The following CGN variants were observed in gnomAD, a reference collection of about 807,000 sequenced individuals.
CGN encodes cingulin.
CGN carries 121 observed loss-of-function variants against 157.1 expected under a neutral mutation model. That is an observed-to-expected ratio of 0.77 (90% CI 0.66 to 0.90). The LOEUF (loss-of-function observed/expected upper bound fraction) is 0.90, where lower values mean the gene tolerates loss of function less well. Ranked by LOEUF, CGN falls within the 40% of genes least tolerant of loss-of-function variation. The probability of loss-of-function intolerance (pLI) is 0.00; values close to 1 mark genes in which losing one functional copy is unlikely to be tolerated. For missense variants in CGN, 1,424 were observed against 1,520.9 expected (o/e 0.94, Z 1.06); for synonymous variants, 535 against 607.5 (o/e 0.88, Z 1.76).
At position 151,536,862 on chromosome 1, in the gene CGN, G is replaced by A; in HGVS notation, c.3439G>A (p.Ala1147Thr). 6.2e-7 allele frequency: 1 copy of A among 1,614,148 alleles called. No individual in the cohort carries two copies. Among genetic ancestry groups the A allele is most frequent in the Non-Finnish European group, 8.5e-7 (1 of 1,180,034 alleles). Residue 1147 changes from alanine (A) to threonine (T), a missense_variant, in exon 20 of 21, where the codon GCC becomes ACC. Transcript: ENST00000271636. ...GCATGAGGTCAATGAACAGCTCCAGGCCCGGATCAAGTCTCTGGAGAAGGA... is the reference window on the plus strand; with the variant it reads ...GCATGAGGTCAATGAACAGCTCCAGACCCGGATCAAGTCTCTGGAGAAGGA... ...EQHEVNEQLQ[A>T]RIKSLEKDSW...
chr1:151,529,656 G>A, intron 11 of CGN, 97 bp downstream of exon 11: 2 of 1,094,706 alleles, frequency 1.8e-6, no homozygotes, highest in Non-Finnish European at 2.6e-6. Context: ...TCATGGGTAT[G>A]TACTGACCAG....
intron 1 of CGN, among the ~76,000 whole-genome samples, chr1:151,513,006 T>C (rs541919040): frequency 6.6e-6 from 1 of 152,134 alleles, no homozygotes; most frequent in Middle Eastern, 3.2e-3. Context: ...GAATGCAACT[T>C]TGGGAACCTC....
intron 8 of CGN, 45 bp from the exon 9 acceptor site, chr1:151,525,597 C>T (rs767637858): frequency 1.3e-5 from 19 of 1,486,538 alleles, no homozygotes; most frequent in Non-Finnish European, 1.5e-5. Flanking sequence ...TTGAAGTGAC[C>T]TCTTCCCTCT....
chr1:151,532,189 A>G (rs1664851144), intron 13 of CGN, among the ~76,000 whole-genome samples: 1 of 152,216 alleles, frequency 6.6e-6, no homozygotes, highest in Admixed American at 6.5e-5. Flanking sequence ...AGAGATAAGT[A>G]ACTTGCACAT....
rs1215552656 is a variant in CGN, at chr1:151,519,159, A to C, written c.640A>C (p.Ser214Arg). The change falls in exon 2 of 21, where the codon AGC becomes CGC. Residue 214 changes from serine to arginine, a missense_variant. Around this residue, in one of 3 missense-constraint regions of CGN, gnomAD observed 1,187 missense variants for 1,217.6 expected, o/e 0.97. Transcript: ENST00000271636. Reference sequence around the variant, plus strand: ...CCCTGAACAGCGCAAACGGAGCAAGAGCCTGGACAGCCGCCTCCCACGGGA... The same window carrying C: ...CCCTGAACAGCGCAAACGGAGCAAGCGCCTGGACAGCCGCCTCCCACGGGA... ...LPPEQRKRSK[S>R]LDSRLPRDTF... 1 of 1,614,022 alleles carries C rather than the reference A, an allele frequency of 6.2e-7. No homozygotes were observed. Among genetic ancestry groups the C allele is most frequent in the Admixed American group, 1.7e-5 (1 of 60,032 alleles).
chr1:151,535,054 C>T lies in CGN; in HGVS notation c.2917C>T (p.Arg973Trp), dbSNP rs368607138. ...QLKGLEEKVS[R>W]LETELDEEKN... ...TCTTCTGTCCTAGGAAAAAGTCTCA[C>T]GGCTGGAAACAGAGTTAGATGAGGA... is the stretch of plus-strand genomic sequence containing the variant. Residue 973 changes from arginine (R) to tryptophan (W), a missense_variant, in exon 16 of 21, where the codon CGG becomes TGG. By Grantham distance (101) the Arg-to-Trp change is moderately radical (BLOSUM62 -3). Coordinates refer to ENST00000271636, the MANE Select transcript of CGN (RefSeq NM_020770.3). The T allele has an allele frequency of 5.0e-5, 81 of 1,613,508 alleles. No homozygotes were observed. Among genetic ancestry groups the T allele is most frequent in the East Asian group, 1.6e-4 (7 of 44,900 alleles).
At chr1:151,514,655 G>T (rs899055159) in intron 1 of CGN, among the ~76,000 whole-genome samples, 1 of 152,124 alleles carries the variant, frequency 6.6e-6, no homozygotes, top group African/African-American at 2.4e-5. Flanking sequence ...TTATTATCTC[G>T]TAGGGGAGAC....
At chr1:151,525,596 C>G (rs1431633155) in intron 8 of CGN, 46 bp from the exon 9 acceptor site, 1 of 1,481,824 alleles carries the variant, frequency 6.7e-7, no homozygotes, top group Non-Finnish European at 9.0e-7. Flanking sequence ...TTTGAAGTGA[C>G]CTCTTCCCTC....
Position 151,534,087 on chromosome 1 carries a change from A to T in CGN, c.2855A>T (p.Asn952Ile). ...CAGGGGCTGGAGCAAGAGGCAGAGAACAAGAAGCGTTCCCAGGACGACAGG... is the reference window on the plus strand; with the variant it reads ...CAGGGGCTGGAGCAAGAGGCAGAGATCAAGAAGCGTTCCCAGGACGACAGG... ...RLQGLEQEAE[N>I]KKRSQDDRAR... Residue 952 changes from asparagine (N) to isoleucine (I), a missense_variant, in exon 15 of 21, where the codon AAC (asparagine) becomes ATC (isoleucine). Transcript: ENST00000271636. 1 of 1,612,452 alleles carries T rather than the reference A, an allele frequency of 6.2e-7. No homozygotes were observed. The highest frequency in any genetic ancestry group is 8.5e-7 in the Non-Finnish European group (1 of 1,179,268).
intron 18 of CGN, 30 bp downstream of exon 18, chr1:151,535,928 TC>T: frequency 6.5e-7 from 1 of 1,534,364 alleles, no homozygotes; most frequent in Non-Finnish European, 9.0e-7. Context: ...CCTCCCTTCC[TC>T]CCTCCTTTTC....
Position 151,534,943 on chromosome 1 carries a change from G to A in CGN, c.2905-99G>A, listed in dbSNP as rs1664923807. Reference sequence around the variant, plus strand: ...AAAGGTTACTGGGATGTGCAAGAGAGAAAAGTCTGTTAATGCTGGAGTTTG... The same window carrying A: ...AAAGGTTACTGGGATGTGCAAGAGAAAAAAGTCTGTTAATGCTGGAGTTTG... On this transcript the variant is annotated intron_variant, in intron 15 of 20. Transcript: ENST00000271636. 3.6e-6 allele frequency: 3 copies of A among 833,366 alleles called. No individual in the cohort carries two copies. The South Asian group carries it at 4.5e-5, about 13-fold the overall frequency. 51.6% of individuals were successfully genotyped at this position (833,366 alleles called of 1,614,324 possible).
intron 14 of CGN, among the ~76,000 whole-genome samples, 164 bp downstream of exon 14, chr1:151,532,736 C>T (rs937306666): frequency 6.6e-6 from 1 of 151,332 alleles, no homozygotes; most frequent in Non-Finnish European, 1.5e-5. Flanking sequence ...TCTCCTGCCT[C>T]AGCCTCACAA....
rs1304813778 is a variant in CGN at position 151,524,731 on chromosome 1, G to C, written c.1459G>C (p.Glu487Gln). The C allele has an allele frequency of 1.2e-6, 2 of 1,610,700 alleles. No individual in the cohort carries two copies. The highest frequency in any genetic ancestry group is 1.7e-6 in the Non-Finnish European group (2 of 1,179,472). Residue 487 changes from glutamate (E) to glutamine (Q), a missense_variant, in exon 8 of 21, where the codon GAG becomes CAG. By Grantham distance (29) the Glu-to-Gln change is conservative. Coordinates refer to ENST00000271636, the MANE Select transcript of CGN (RefSeq NM_020770.3). This position sits in a 1 kb window ranked among gnomAD's most constrained non-coding sequence, Gnocchi z 4.4. ...EEVLEGKQRV[E>Q]EQLRLREREL... ...GGTCTTGGAGGGGAAACAGCGAGTA[G>C]AGGAGCAGCTGAGGCTGCGGGAGCG... is the stretch of plus-strand genomic sequence containing the variant.
chr1:151,536,132 T>G, intron 18 of CGN, 105 bp from the exon 19 acceptor site: 1 of 795,022 alleles, frequency 1.3e-6, no homozygotes, highest in Non-Finnish European at 2.2e-6. Flanking sequence ...CCCAGTCTAA[T>G]GGTGGAGCTC....
At position 151,535,806 on chromosome 1, in the gene CGN, C is replaced by T. The variant is rs753998703; in HGVS notation, c.3105C>T (p.Ala1035=). Residue 1035 remains alanine (A), a synonymous_variant, in exon 18 of 21, where the codon GCC becomes GCT. Transcript: ENST00000271636. ...RQNKDLKTRL[A]SSEGFQKPSA... is the part of the protein sequence containing the mutation. ...ACAAGGACCTGAAGACCCGGTTGGC[C>T]AGCTCAGAAGGCTTCCAGAAGCCTA... The T allele has an allele frequency of 3.1e-6, 5 of 1,614,176 alleles. No homozygotes were observed. The highest frequency in any genetic ancestry group is 8.5e-7 in the Non-Finnish European group (1 of 1,180,032).
chr1:151,529,837 A>C, intron 11 of CGN, 72 bp from the exon 12 acceptor site: 2 of 1,421,518 alleles, frequency 1.4e-6, no homozygotes, highest in Non-Finnish European at 1.9e-6. Context: ...GGTGTGGTCA[A>C]TGGCCCCAAG....
rs761364322 is a variant in CGN, at chr1:151,530,606, C to T, written c.2431C>T (p.Arg811Cys). Residue 811 changes from arginine (R) to cysteine (C), a missense_variant, in exon 13 of 21, where the codon CGC becomes TGC. Physicochemically the swap from Arg to Cys is radical, Grantham distance 180. Coordinates refer to ENST00000271636, the MANE Select transcript of CGN (RefSeq NM_020770.3). The part of the protein sequence containing the change: ...RLEEAQRGLA[R>C]LGQEQQTLNR... ...AGAGGAGGCTCAGCGGGGGCTGGCC[C>T]GCCTGGGGCAGGAGCAGCAGACACT... 79 of 1,610,914 alleles carry T rather than the reference C, an allele frequency of 4.9e-5. No individual in the cohort carries two copies. The highest frequency in any genetic ancestry group is 5.9e-5 in the Non-Finnish European group (69 of 1,178,662).
Position 151,520,675 on chromosome 1 carries a change from T to G in CGN, c.1124T>G (p.Leu375Arg), listed in dbSNP as rs1436312227. ...AAAGTGGAGGAGCTACAGCGAAAGCTGGATGAAGAGGTGAAGGTAAGGAAA... is the reference window on the plus strand; with the variant it reads ...AAAGTGGAGGAGCTACAGCGAAAGCGGGATGAAGAGGTGAAGGTAAGGAAA... ...TRKVEELQRK[L>R]DEEVKKRQKL... Residue 375 changes from leucine to arginine, a missense_variant, in exon 5 of 21, where the codon CTG becomes CGG. Leu to Arg is a moderately radical substitution (Grantham distance 102, BLOSUM62 -2). Around this residue, in one of 3 missense-constraint regions of CGN, gnomAD observed 1,187 missense variants for 1,217.6 expected, o/e 0.97. Coordinates refer to ENST00000271636, the MANE Select transcript of CGN (RefSeq NM_020770.3). 1.2e-6 allele frequency: 2 copies of G among 1,613,708 alleles called. No homozygotes were observed. The highest frequency in any genetic ancestry group is 1.7e-6 in the Non-Finnish European group (2 of 1,179,846).
Position 151,536,251 on chromosome 1 carries a change from T to A in CGN, c.3212T>A (p.Leu1071Gln), listed in dbSNP as rs748033867. The A allele has an allele frequency of 1.9e-6, 3 of 1,603,046 alleles. No individual in the cohort carries two copies. In the Admixed American group the frequency reaches 5.0e-5, roughly 27 times the overall value. Residue 1071 changes from leucine to glutamine, a missense_variant, in exon 19 of 21, where the codon CTG (leucine) becomes CAG (glutamine). Physicochemically the swap from Leu to Gln is moderately radical, Grantham distance 113. Transcript: ENST00000271636. The stretch of plus-strand genomic sequence containing the variant: ...CCTCACCTTAGGGAGAAGACAGTTC[T>A]GCAGTCTACCAATCGAAAACTGGAG... ...LQAEEREKTV[L>Q]QSTNRKLERK...
Sources: gnomAD v4.1 joint callset for allele counts (sites outside exome capture counted in the v4.1 genomes callset) on GRCh38, gnomAD v4.1.1 for gene constraint, gnomAD v4.1.1 regional missense constraint, Gnocchi (gnomAD v3.1) non-coding constraint, MANE v1.5 for transcripts, NCBI Gene and HGNC (gene_info 2026-07-23, HGNC 2026-07-21) for gene names.